INPP5D: variants seen among roughly 807,000 people sequenced by gnomAD.
INPP5D encodes the protein inositol polyphosphate-5-phosphatase D.
INPP5D carries 33 observed loss-of-function variants against 122.9 expected under a neutral mutation model. The observed-to-expected ratio is 0.27, with a 90% CI of 0.20 to 0.36. INPP5D has a LOEUF of 0.36. Ranked by LOEUF, INPP5D falls within the 10% of genes least tolerant of loss-of-function variation. The probability of loss-of-function intolerance (pLI) is 1.00; values close to 1 mark genes in which losing one functional copy is unlikely to be tolerated. For missense variants in INPP5D, 1,053 were observed against 1,412.7 expected, an observed-to-expected ratio of 0.75 and a Z score of 4.08; for synonymous variants, 584 against 576.2, an observed-to-expected ratio of 1.01 and a Z score of -0.19.
chr2:233,125,946 G>A (rs1415428536), intron 4 of INPP5D, 27 bp downstream of exon 4: 3 of 1,604,666 alleles, frequency 1.9e-6, no homozygotes, highest in South Asian at 2.2e-5. Flanking sequence ...GTCCAGCTGG[G>A]CCTTCATCTG....
intron 17 of INPP5D, among the ~76,000 whole-genome samples, chr2:233,176,967 TC>T (rs891637391): frequency 6.6e-6 from 1 of 152,004 alleles, no homozygotes; most frequent in African/African-American, 2.4e-5. Flanking sequence ...TGGGGGTTCA[TC>T]TGAGTCAGAA....
chr2:233,178,978 T>C (rs995143734), intron 18 of INPP5D, among the ~76,000 whole-genome samples: 4 of 152,130 alleles, frequency 2.6e-5, no homozygotes, highest in Non-Finnish European at 5.9e-5. Context: ...TGAACTGACT[T>C]CCATTCCAGT....
intron 2 of INPP5D, among the ~76,000 whole-genome samples, chr2:233,108,581 T>A (rs1468183269): frequency 6.6e-6 from 1 of 152,174 alleles, no homozygotes; most frequent in Non-Finnish European, 1.5e-5. Flanking sequence ...TCCCCCCAAG[T>A]GCAGGTCAGA....
chr2:233,076,254 A>G (rs1041572072), intron 1 of INPP5D: 2 of 152,274 alleles, frequency 1.3e-5, no homozygotes, highest in African/African-American at 2.4e-5. Flanking sequence ...AGAGCACAGC[A>G]GAGTTGAGCT....
intron 14 of INPP5D, chr2:233,169,768 T>C (rs746514724): frequency 9.7e-6 from 6 of 619,608 alleles, no homozygotes; most frequent in Non-Finnish European, 1.6e-5. Flanking sequence ...ACTGTTCTGA[T>C]TCTCTGCTGA....
intron 4 of INPP5D, among the ~76,000 whole-genome samples, chr2:233,127,683 A>G (rs1033009217): frequency 6.6e-6 from 1 of 152,216 alleles, no homozygotes; most frequent in Non-Finnish European, 1.5e-5. Flanking sequence ...ATCTCAGCTC[A>G]CTGCAACCTC....
At chr2:233,121,823 G>T (rs139067572) in intron 2 of INPP5D, among the ~76,000 whole-genome samples, 2 of 152,196 alleles carry the variant, frequency 1.3e-5, no homozygotes, top group Non-Finnish European at 2.9e-5. Context: ...ACCGTGCCTG[G>T]CCCAAAAACA....
intron 6 of INPP5D, 105 bp downstream of exon 6, chr2:233,140,034 T>G (rs906070314): frequency 5.1e-6 from 2 of 390,854 alleles, no homozygotes; most frequent in Non-Finnish European, 9.0e-6. Flanking sequence ...CTGCCCATTG[T>G]GTGTTCACTG....
In INPP5D at chr2:233,081,554, C is replaced by T. The variant is rs145898154; in HGVS notation, c.198+2156C>T. 2.5e-4 allele frequency among the ~76,000 whole-genome samples: 38 copies of T among 152,320 alleles called. 1 individual carries two copies. The South Asian group carries it at 4.8e-3, about 19-fold the overall frequency. On this transcript the variant is annotated intron_variant, in intron 2 of 26. Coordinates refer to ENST00000445964, the MANE Select transcript of INPP5D (RefSeq NM_001017915.3). ...CCGGTTTGCCCCTCTCTGTCACCAT[C>T]ATACTCTTGCTACTGTGACATCTTG...
At chr2:233,138,964 C>T (rs963732568) in intron 5 of INPP5D, among the ~76,000 whole-genome samples, 61 of 151,620 alleles carry the variant, frequency 4.0e-4, no homozygotes, top group African/African-American at 1.4e-3. Flanking sequence ...CCACGTTAGC[C>T]AGGATGGTCT....
intron 21 of INPP5D, among the ~76,000 whole-genome samples, chr2:233,186,542 C>T (rs1694919656): frequency 6.6e-6 from 1 of 151,852 alleles, no homozygotes; most frequent in Non-Finnish European, 1.5e-5. Context: ...GTGGCTCACA[C>T]ATATAATCCC....
rs554084570 is a variant in INPP5D at position 233,165,613 on chromosome 2, TGA to T, written c.1555+1191_1555+1192del. Among the ~76,000 whole-genome samples, 9 of 152,062 alleles carry T rather than the reference TGA, an allele frequency of 5.9e-5. No individual in the cohort carries two copies. In the East Asian group the frequency reaches 7.7e-4, roughly 13 times the overall value. On this transcript the variant is annotated intron_variant, in intron 13 of 26. Transcript: ENST00000445964. ...GTGTGTGTTTATGTGCATCTGTGTG[TGA>T]GTGTACCACCCCGTATCTATGAGTG...
intron 1 of INPP5D, among the ~76,000 whole-genome samples, chr2:233,068,266 CA>C (rs1691279592): frequency 7.6e-6 from 1 of 132,432 alleles, no homozygotes. Context: ...GCCTGGGCAA[CA>C]AGAGTGAAAC....
chr2:233,172,585 A>G (rs943906635), intron 17 of INPP5D, among the ~76,000 whole-genome samples: 1 of 74,584 alleles, frequency 1.3e-5, no homozygotes, highest in Admixed American at 1.4e-4. Flanking sequence ...TTGAAGGGGA[A>G]AAAAATAGAA....
intron 2 of INPP5D, among the ~76,000 whole-genome samples, chr2:233,095,694 T>C (rs146659334): frequency 2.5e-5 from 3 of 120,906 alleles, no homozygotes; most frequent in East Asian, 2.2e-4. Flanking sequence ...AAAATGGAGA[T>C]AGAACTTTTA....
chr2:233,121,475 G>T (rs1323647356), intron 2 of INPP5D, among the ~76,000 whole-genome samples: 1 of 149,446 alleles, frequency 6.7e-6, no homozygotes, highest in Non-Finnish European at 1.5e-5. Context: ...TTCTAATTTT[G>T]CCATAATATA....
Position 233,177,073 on chromosome 2 carries a change from A to G in INPP5D, c.1990-192A>G, listed in dbSNP as rs1694657879. Among the ~76,000 whole-genome samples, 1 of 152,148 alleles carries G rather than the reference A, an allele frequency of 6.6e-6. No individual in the cohort carries two copies. The highest frequency in any genetic ancestry group is 2.1e-4 in the South Asian group (1 of 4,830). On this transcript the variant is annotated intron_variant, in intron 17 of 26. Coordinates refer to ENST00000445964, the MANE Select transcript of INPP5D (RefSeq NM_001017915.3). The surrounding 1 kb of genome is among the most constrained non-coding windows in gnomAD (Gnocchi z 4.2). ...AAGGTGAGTTATCTTAGTCTAAAGAAGAAGGCGTGGCAGTGGAGTCTGGAC... is the reference window on the plus strand; with the variant it reads ...AAGGTGAGTTATCTTAGTCTAAAGAGGAAGGCGTGGCAGTGGAGTCTGGAC...
At chr2:233,080,966 C>T (rs1282438452) in intron 2 of INPP5D, among the ~76,000 whole-genome samples, 1 of 152,204 alleles carries the variant, frequency 6.6e-6, no homozygotes, top group Non-Finnish European at 1.5e-5. Flanking sequence ...TCAAGCAGAA[C>T]CACTCCCTGC....
intron 18 of INPP5D, among the ~76,000 whole-genome samples, chr2:233,181,639 C>A (rs918597420): frequency 6.6e-6 from 1 of 151,728 alleles, no homozygotes; most frequent in Non-Finnish European, 1.5e-5. Context: ...TCCATTCTCA[C>A]CCGAGCACCA....
Sources: allele counts gnomAD v4.1 joint callset (sites outside exome capture counted in the v4.1 genomes callset), GRCh38; gene constraint gnomAD v4.1.1; non-coding constraint Gnocchi (gnomAD v3.1); transcripts MANE v1.5; gene names NCBI Gene and HGNC (gene_info 2026-07-23, HGNC 2026-07-21).